The following RNF150 variants were observed in gnomAD, a reference collection of about 807,000 sequenced individuals.
The protein encoded by RNF150 is ring finger protein 150.
Under a neutral mutation model 39.3 loss-of-function variants are expected in RNF150, and 24 were observed. The ratio of observed to expected loss-of-function variants is 0.61; its 90% CI spans 0.44 to 0.86. The LOEUF (loss-of-function observed/expected upper bound fraction) is 0.86. Ranked by LOEUF, RNF150 falls within the 40% of genes least tolerant of loss-of-function variation. The pLI is 0.00. For missense variants in RNF150, 502 were observed against 587.8 expected (o/e 0.85, Z 1.51); for synonymous variants, 255 against 227.3 (o/e 1.12, Z -1.10).
At chr4:140,922,639 C>CA (rs1319052017) in intron 5 of RNF150, among the ~76,000 whole-genome samples, 1 of 151,308 alleles carries the variant, frequency 6.6e-6, no homozygotes, top group Admixed American at 6.6e-5. Flanking sequence ...CATATGGAAC[C>CA]AAAAAAGAGC....
At chr4:141,203,963 G>A (rs1173910333) in intron 1 of RNF150, among the ~76,000 whole-genome samples, 4 of 152,130 alleles carry the variant, frequency 2.6e-5, no homozygotes, top group African/African-American at 9.7e-5. Flanking sequence ...AAGGTCAGGT[G>A]AGAGCAGAGA....
intron 1 of RNF150, among the ~76,000 whole-genome samples, chr4:141,125,913 C>T (rs1329961111): frequency 6.6e-6 from 1 of 152,126 alleles, no homozygotes; most frequent in Non-Finnish European, 1.5e-5. Flanking sequence ...ACTTCTATGA[C>T]CTAAAATGTA....
rs561282442 is a variant in RNF150, at chr4:141,036,696, A to C, written c.485-68823T>G. On this transcript the variant is annotated intron_variant, in intron 1 of 6. Coordinates refer to ENST00000515673, the MANE Select transcript of RNF150 (RefSeq NM_020724.2). ...TTTAGTAGATTGGTACGGTGAATAG[A>C]CTAGACTATAGATTATTTTCTGTTT... is the stretch of plus-strand genomic sequence containing the variant. Among the ~76,000 whole-genome samples, 3 of 152,294 alleles carry C rather than the reference A, an allele frequency of 2.0e-5. No individual in the cohort carries two copies. The South Asian group carries it at 6.2e-4, about 32-fold the overall frequency.
upstream of RNF150, among the ~76,000 whole-genome samples, chr4:141,135,550 G>T (rs1250563474): frequency 6.6e-6 from 1 of 152,176 alleles, no homozygotes; most frequent in African/African-American, 2.4e-5. Context: ...ATCTAATAAG[G>T]CATGAATCCG....
Position 141,036,431 on chromosome 4 carries a change from T to C in RNF150, c.485-68558A>G, listed in dbSNP as rs566727133. On this transcript the variant is annotated intron_variant, in intron 1 of 6. Transcript: ENST00000515673. ...ATTGACCATCCGAACCATTTTTAAG[T>C]GTGCAGCATAGTAGTGCTAACTCTA... Among the ~76,000 whole-genome samples the C allele has an allele frequency of 2.0e-5, 3 of 152,308 alleles. No homozygotes were observed. The East Asian group carries it at 5.8e-4, about 29-fold the overall frequency.
rs796990594 is a variant in RNF150, at chr4:141,197,333, C to T, written c.-6+15461G>A. Among the ~76,000 whole-genome samples, 3 of 152,214 alleles carry T rather than the reference C, an allele frequency of 2.0e-5. No individual in the cohort carries two copies. The South Asian group carries it at 6.2e-4, about 32-fold the overall frequency. The stretch of plus-strand genomic sequence containing the variant: ...CATAATTACTTAATTTTGAGTGTAT[C>T]TATTTCCTCCATTTTTTGTAGTAGA... On this transcript the variant is annotated intron_variant, in intron 1 of 7. Transcript: ENST00000420921.
intron 1 of RNF150, among the ~76,000 whole-genome samples, chr4:141,176,224 T>A (rs1252108546): frequency 6.6e-6 from 1 of 152,106 alleles, no homozygotes; most frequent in East Asian, 1.9e-4. Context: ...ACGGCACTAA[T>A]CCCTTTCATG....
intron 1 of RNF150, among the ~76,000 whole-genome samples, chr4:141,033,950 T>C (rs1262666909): frequency 6.6e-6 from 1 of 152,166 alleles, no homozygotes. Context: ...ATCTTCAGAA[T>C]GCTAAATGAG....
chr4:140,967,868 C>T lies in RNF150; in HGVS notation c.490G>A (p.Glu164Lys). The change falls in exon 2 of 7, where the codon GAA becomes AAA. Residue 164 changes from glutamate to lysine, a missense_variant. Physicochemically the swap from Glu to Lys is moderately conservative, Grantham distance 56. Coordinates refer to ENST00000515673, the MANE Select transcript of RNF150 (RefSeq NM_020724.2). ...ETITMPHAGV[E>K]DIVAIMIPEP... ...GGAATCATTATGGCCACGATGTCTT[C>T]TACACCTGTGGTAAGAGGGGAAGGA... The T allele has an allele frequency of 6.2e-7, 1 of 1,612,926 alleles. No homozygotes were observed. The highest frequency in any genetic ancestry group is 1.1e-5 in the South Asian group (1 of 91,034).
In RNF150 at chr4:140,865,859, T is replaced by C. The variant is rs1728687593; in HGVS notation, c.*2402A>G. On this transcript the variant is annotated 3_prime_UTR_variant, in exon 7 of 7. Transcript: ENST00000515673. ...GCATTCTCTCTCTGGGAATGGAATA[T>C]AATTTATATTTCTGTTGCTATTGAA... 6.6e-6 allele frequency: 1 copy of C among 152,494 alleles called. No homozygotes were observed. Among genetic ancestry groups the C allele is most frequent in the African/African-American group, 2.4e-5 (1 of 41,458 alleles). The allele number at this position is 152,494 out of a possible 1,614,324, so 9.4% of individuals were successfully genotyped here.
intron 5 of RNF150, among the ~76,000 whole-genome samples, chr4:140,924,411 T>G (rs547861723): frequency 6.6e-6 from 1 of 152,178 alleles, no homozygotes; most frequent in Non-Finnish European, 1.5e-5. Flanking sequence ...AGTACAAAAT[T>G]GAACGATGGA....
intron 1 of RNF150, among the ~76,000 whole-genome samples, chr4:141,060,620 C>T (rs1389512428): frequency 6.6e-6 from 1 of 152,126 alleles, no homozygotes; most frequent in East Asian, 1.9e-4. Context: ...TTTAGCTTTA[C>T]ATTTGTATTA....
chr4:140,965,450 T>C (rs1303545924), intron 2 of RNF150, among the ~76,000 whole-genome samples: 1 of 152,154 alleles, frequency 6.6e-6, no homozygotes, highest in African/African-American at 2.4e-5. Flanking sequence ...CCCATGTTAA[T>C]TGTGACATTA....
intron 1 of RNF150, among the ~76,000 whole-genome samples, chr4:141,071,749 A>T (rs1428177986): frequency 6.6e-6 from 1 of 152,212 alleles, no homozygotes; most frequent in Non-Finnish European, 1.5e-5. Flanking sequence ...AAGCACAGAC[A>T]GAATCAAAAG....
chr4:141,122,236 AAGG>A (rs1726626629), intron 1 of RNF150, among the ~76,000 whole-genome samples: 1 of 152,210 alleles, frequency 6.6e-6, no homozygotes, highest in Admixed American at 6.5e-5. Context: ...AGAGGAGTGT[AAGG>A]GAGGAGGTGG....
At chr4:141,179,438 C>G (rs1214355923) in intron 1 of RNF150, among the ~76,000 whole-genome samples, 1 of 152,130 alleles carries the variant, frequency 6.6e-6, no homozygotes, top group Non-Finnish European at 1.5e-5. Flanking sequence ...TATAAATATT[C>G]TGTATTCTTT....
chr4:141,081,525 C>A (rs1738146936), intron 1 of RNF150, among the ~76,000 whole-genome samples: 2 of 152,162 alleles, frequency 1.3e-5, no homozygotes, highest in Non-Finnish European at 2.9e-5. Flanking sequence ...TTTACATTTA[C>A]AAAATTTCCC....
intron 1 of RNF150, among the ~76,000 whole-genome samples, chr4:141,087,367 C>T (rs1170929965): frequency 6.6e-6 from 1 of 152,168 alleles, no homozygotes; most frequent in East Asian, 1.9e-4. Flanking sequence ...CTGCATTTTC[C>T]ATGTGCATAT....
chr4:141,092,299 C>T (rs956026630), intron 1 of RNF150, among the ~76,000 whole-genome samples: 7 of 151,350 alleles, frequency 4.6e-5, no homozygotes, highest in Non-Finnish European at 8.8e-5. Flanking sequence ...GCTGAGATTG[C>T]GCCACTGCAC....
Sources: allele counts gnomAD v4.1 joint callset (sites outside exome capture counted in the v4.1 genomes callset), GRCh38; gene constraint gnomAD v4.1.1; transcripts MANE v1.5; gene names NCBI Gene and HGNC (gene_info 2026-07-23, HGNC 2026-07-21).